The following PARL variants were observed in gnomAD, a reference collection of about 807,000 sequenced individuals.
PARL encodes presenilin-associated rhomboid-like protein, mitochondrial.
Under a neutral mutation model 51.6 loss-of-function variants are expected in PARL, and 44 were observed. That is an observed-to-expected ratio of 0.85 (90% confidence interval 0.67 to 1.10). The LOEUF is 1.10. PARL is among the 50% of genes least tolerant of loss of function. PARL has a pLI of 0.00. For synonymous variants in PARL, 172 were observed against 164.0 expected, an observed-to-expected ratio of 1.05 and a Z score of -0.37; for missense variants, 441 against 469.5, an observed-to-expected ratio of 0.94 and a Z score of 0.56.
chr3:183,884,813 C>G lies in PARL; in HGVS notation c.34G>C (p.Gly12Arg). 6.3e-7 allele frequency: 1 copy of G among 1,597,354 alleles called. No homozygotes were observed. The highest frequency in any genetic ancestry group is 1.3e-5 in the African/African-American group (1 of 74,938). Residue 12 changes from glycine (G) to arginine (R), a missense_variant, in exon 1 of 10, where the codon GGC (glycine) becomes CGC (arginine). Gly to Arg is a moderately radical substitution (Grantham distance 125). Coordinates refer to ENST00000317096, the MANE Select transcript of PARL (RefSeq NM_018622.7). ...AWRGWAQRGW[G>R]CGQAWGASVG... Reference sequence around the variant, plus strand: ...GACGCACCCCACGCCTGGCCGCAGCCCCAGCCTCTCTGCGCCCAGCCTCGC... The same window carrying G: ...GACGCACCCCACGCCTGGCCGCAGCGCCAGCCTCTCTGCGCCCAGCCTCGC...
rs1023577287 is a variant in PARL, at chr3:183,829,284, G to A, written c.*314C>T. The A allele has an allele frequency of 4.8e-6, 3 of 630,790 alleles. No homozygotes were observed. The highest frequency in any genetic ancestry group is 7.2e-6 in the Non-Finnish European group (3 of 414,084). 39.1% of individuals were successfully genotyped at this position (630,790 alleles called of 1,614,324 possible). A position where few individuals can be genotyped will look rare whatever the true frequency, so the allele number is the denominator to read the frequency against. On this transcript the variant is annotated 3_prime_UTR_variant, in exon 10 of 10. Transcript: ENST00000317096. ...CAGGCAACCAGCGCCTTCATGTTCT[G>A]ATCAGGCCTTTCAGGGTGCACTCTC...
At chr3:183,858,000 G>A (rs139846757) in intron 4 of PARL, among the ~76,000 whole-genome samples, 18 of 152,276 alleles carry the variant, frequency 1.2e-4, no homozygotes, top group African/African-American at 4.1e-4. Context: ...TTACTTGGCC[G>A]TTCCTTGCCC....
intron 4 of PARL, among the ~76,000 whole-genome samples, chr3:183,858,675 C>T (rs777247829): frequency 5.3e-5 from 8 of 152,150 alleles, no homozygotes; most frequent in Non-Finnish European, 1.0e-4. Flanking sequence ...AGAAAATATT[C>T]TCTCTGGGGG....
At chr3:183,879,432 A>G (rs184243494) in intron 1 of PARL, among the ~76,000 whole-genome samples, 2 of 152,294 alleles carry the variant, frequency 1.3e-5, no homozygotes, top group East Asian at 3.9e-4. Context: ...TCTTATAACC[A>G]CAAGGAGATA....
In PARL at chr3:183,866,768, A is replaced by G. The variant is rs749238431; in HGVS notation, c.322-3T>C. The G allele has an allele frequency of 2.5e-6, 4 of 1,577,912 alleles. No individual in the cohort carries two copies. The South Asian group carries it at 4.4e-5, about 17-fold the overall frequency. ...GATCCAAATGCACAGCCTGTAAACTATATAAAATTAGATATATTACAAAAT... is the reference window on the plus strand; with the variant it reads ...GATCCAAATGCACAGCCTGTAAACTGTATAAAATTAGATATATTACAAAAT... On this transcript the variant is annotated splice_polypyrimidine_tract_variant and splice_region_variant and intron_variant, in intron 2 of 9. Coordinates refer to ENST00000317096, the MANE Select transcript of PARL (RefSeq NM_018622.7).
At chr3:183,861,743 A>C (rs1369731414) in intron 4 of PARL, among the ~76,000 whole-genome samples, 1 of 152,162 alleles carries the variant, frequency 6.6e-6, no homozygotes, top group African/African-American at 2.4e-5. Context: ...CTCTAGAAAT[A>C]ATTTTTTCTT....
intron 4 of PARL, among the ~76,000 whole-genome samples, chr3:183,852,678 C>G (rs961056742): frequency 1.3e-5 from 2 of 152,170 alleles, no homozygotes. Flanking sequence ...CATGCCCAAC[C>G]TACAACACTG....
downstream of PARL, chr3:183,826,812 G>A (rs571249001): frequency 3.8e-4 from 376 of 983,700 alleles, no homozygotes; most frequent in African/African-American, 6.1e-3. Flanking sequence ...AGCCAGCCTG[G>A]CAGATGGCGC....
At position 183,866,659 on chromosome 3, in the gene PARL, A is replaced by G; in HGVS notation, c.428T>C (p.Ile143Thr). 1 of 1,612,008 alleles carries G rather than the reference A, an allele frequency of 6.2e-7. No homozygotes were observed. The highest frequency in any genetic ancestry group is 1.1e-5 in the South Asian group (1 of 91,010). Reference protein sequence around the residue: ...DGIKADWLDSIRPQKEGDFRK... With the variant: ...DGIKADWLDSTRPQKEGDFRK... ...GAAGTCTCCTTCTTTTTGTGGTCTTATGCTATCCAACCAATCAGCTTTTAT... is the reference window on the plus strand; with the variant it reads ...GAAGTCTCCTTCTTTTTGTGGTCTTGTGCTATCCAACCAATCAGCTTTTAT... Residue 143 changes from isoleucine to threonine, a missense_variant, in exon 3 of 10, where the codon ATA becomes ACA. Transcript: ENST00000317096.
At chr3:183,854,101 C>T (rs376029112) in intron 4 of PARL, among the ~76,000 whole-genome samples, 3 of 152,104 alleles carry the variant, frequency 2.0e-5, no homozygotes, top group African/African-American at 4.8e-5. Context: ...AAAAATTAGC[C>T]GGGCATGGTG....
intron 4 of PARL, chr3:183,846,422 G>C (rs1345836680): frequency 1.9e-6 from 1 of 538,886 alleles, no homozygotes; most frequent in African/African-American, 2.1e-5. Flanking sequence ...GAACCCAGGA[G>C]GCGGAGGTTG....
At chr3:183,834,125 A>G (rs1036836333) in intron 7 of PARL, among the ~76,000 whole-genome samples, 1 of 152,250 alleles carries the variant, frequency 6.6e-6, no homozygotes, top group East Asian at 1.9e-4. Context: ...CCTATGGCCT[A>G]GGAAAGAACT....
In PARL at chr3:183,884,527, C is replaced by T. The variant is rs183652771; in HGVS notation, c.125+195G>A. ...TGGGAAAGGAGAAAGCGCAGGCTCG[C>T]GGGGGGCTGGGCTGGGCAAGGGGAG... is the stretch of plus-strand genomic sequence containing the variant. On this transcript the variant is annotated intron_variant, in intron 1 of 9. Coordinates refer to ENST00000317096, the MANE Select transcript of PARL (RefSeq NM_018622.7). Among the ~76,000 whole-genome samples, 224 of 152,180 alleles carry T rather than the reference C, an allele frequency of 1.5e-3. 2 individuals are homozygous for T. Among genetic ancestry groups the T allele is most frequent in the Non-Finnish European group, 2.6e-3 (178 of 67,988 alleles).
chr3:183,863,309 A>T (rs1463293594), intron 3 of PARL, among the ~76,000 whole-genome samples: 2 of 152,130 alleles, frequency 1.3e-5, no homozygotes, highest in Non-Finnish European at 2.9e-5. Flanking sequence ...TGAAAATTTT[A>T]TGCATGAAAT....
intron 9 of PARL, 71 bp downstream of exon 9, chr3:183,833,421 G>A: frequency 1.1e-6 from 1 of 897,932 alleles, no homozygotes. Flanking sequence ...TGGGGGGTAG[G>A]GGTGAGGCTG....
chr3:183,877,849 G>A (rs1734021623), intron 1 of PARL, among the ~76,000 whole-genome samples: 4 of 151,692 alleles, frequency 2.6e-5, no homozygotes, highest in Admixed American at 2.6e-4. Context: ...GGAGCGCAGT[G>A]GCATGATCTC....
At chr3:183,869,730 C>A (rs1668647842) in intron 1 of PARL, among the ~76,000 whole-genome samples, 2 of 152,008 alleles carry the variant, frequency 1.3e-5, no homozygotes, top group Admixed American at 1.3e-4. Context: ...CTAAAACAAG[C>A]TATTTGGTTG....
At chr3:183,857,293 C>T in intron 4 of PARL, among the ~76,000 whole-genome samples, 1 of 152,174 alleles carries the variant, frequency 6.6e-6, no homozygotes, top group Admixed American at 6.5e-5. Context: ...CTGGTAATTT[C>T]CATTTATCAA....
intron 4 of PARL, among the ~76,000 whole-genome samples, chr3:183,853,271 T>C (rs545061251): frequency 6.8e-6 from 1 of 146,136 alleles, no homozygotes; most frequent in South Asian, 2.2e-4. Context: ...TAAAGAATGC[T>C]TATAACTCAG....
Sources: gnomAD v4.1 joint callset for allele counts (sites outside exome capture counted in the v4.1 genomes callset) on GRCh38, gnomAD v4.1.1 for gene constraint, MANE v1.5 for transcripts, NCBI Gene and HGNC (gene_info 2026-07-23, HGNC 2026-07-21) for gene names.